Variants in NBAS observed in about 807,000 individuals in gnomAD.
NBAS encodes the protein NAG/BC035112 fusion.
Under a neutral mutation model 302.5 loss-of-function variants are expected in NBAS, and 219 were observed. The observed-to-expected ratio is 0.72, with a 90% CI of 0.65 to 0.81. NBAS has a LOEUF of 0.81. NBAS is among the 30% of genes least tolerant of loss of function. The pLI, the probability that NBAS is intolerant of heterozygous loss-of-function variation, is 0.00. For missense variants in NBAS, 2,932 were observed against 2,841.6 expected (o/e 1.03, Z -0.72); for synonymous variants, 1,118 against 1,021.6 (o/e 1.09, Z -1.80).
the NBAS span, among the ~76,000 whole-genome samples, chr2:15,010,817 T>G: frequency 6.6e-6 from 1 of 152,184 alleles, no homozygotes; most frequent in Admixed American, 6.5e-5. Context: ...ACATAGTTGA[T>G]TAATGGCAGA....
intron 38 of NBAS, among the ~76,000 whole-genome samples, chr2:15,310,617 C>T (rs1252384918): frequency 1.3e-5 from 2 of 152,130 alleles, no homozygotes; most frequent in Non-Finnish European, 1.5e-5. Context: ...TTTGTACAAG[C>T]TATTACAAGA....
the NBAS span, among the ~76,000 whole-genome samples, chr2:14,855,007 A>G: frequency 6.6e-6 from 1 of 152,080 alleles, no homozygotes; most frequent in Non-Finnish European, 1.5e-5. Context: ...GTTCCAAAAG[A>G]GACCCCTTCC....
At chr2:14,934,398 G>A in the NBAS span, among the ~76,000 whole-genome samples, 23 of 109,438 alleles carry the variant, frequency 2.1e-4, no homozygotes, top group Admixed American at 8.3e-4. Context: ...TCCTCCTCTC[G>A]TACTACATTA....
At position 15,504,224 on chromosome 2, in the gene NBAS, A is replaced by AATGCAT; in HGVS notation, c.886-17_886-12dup. The AATGCAT allele has an allele frequency of 6.3e-7, 1 of 1,596,466 alleles. No homozygotes were observed. The highest frequency in any genetic ancestry group is 8.6e-7 in the Non-Finnish European group (1 of 1,164,064). ...CAGTGTCTTCGGTACCTGCAAAATA[A>AATGCAT]ATGCATCATATGAAGAAAGATTACT... On this transcript the variant is annotated splice_polypyrimidine_tract_variant and intron_variant, in intron 10 of 51. Coordinates refer to ENST00000281513, the MANE Select transcript of NBAS (RefSeq NM_015909.4).
the NBAS span, among the ~76,000 whole-genome samples, chr2:14,993,351 G>T: frequency 1.3e-5 from 2 of 152,070 alleles, no homozygotes; most frequent in Non-Finnish European, 2.9e-5. Flanking sequence ...AATTGTTTCA[G>T]GTTGACATGA....
the NBAS span, among the ~76,000 whole-genome samples, chr2:14,935,362 G>A: frequency 6.6e-6 from 1 of 152,032 alleles, no homozygotes; most frequent in Non-Finnish European, 1.5e-5. Context: ...TTTGCCATCT[G>A]CTCATTTTTA....
chr2:15,523,997 G>A (rs1463489503), intron 9 of NBAS, among the ~76,000 whole-genome samples: 1 of 152,116 alleles, frequency 6.6e-6, no homozygotes, highest in Admixed American at 6.6e-5. Context: ...ACTAAGGTAG[G>A]AAATATATCT....
the NBAS span, among the ~76,000 whole-genome samples, chr2:15,017,773 A>C: frequency 1.3e-5 from 2 of 152,114 alleles, no homozygotes; most frequent in Admixed American, 6.5e-5. Context: ...GAACTACCAT[A>C]TGATCCTGTA....
At chr2:15,381,040 T>C (rs1212752997) in intron 29 of NBAS, among the ~76,000 whole-genome samples, 2 of 152,220 alleles carry the variant, frequency 1.3e-5, no homozygotes, top group African/African-American at 4.8e-5. Context: ...TAATCACTTA[T>C]ATCTGACAGA....
At position 15,474,305 on chromosome 2, in the gene NBAS, G is replaced by C. The variant is rs766319459; in HGVS notation, c.1361C>G (p.Pro454Arg). Reference protein sequence around the residue: ...LSLECEIKLAPKRSRLETRAG... With the variant: ...LSLECEIKLARKRSRLETRAG... ...TCTAGTCTCCAAACGAGATCGTTTGGGGGCAAGTTTAATCTCACACTAAAT... is the reference window on the plus strand; with the variant it reads ...TCTAGTCTCCAAACGAGATCGTTTGCGGGCAAGTTTAATCTCACACTAAAT... Residue 454 changes from proline (P) to arginine (R), a missense_variant, in exon 15 of 52, where the codon CCC (proline) becomes CGC (arginine). Physicochemically the swap from Pro to Arg is moderately radical, Grantham distance 103. Transcript: ENST00000281513. 56 of 1,613,310 alleles carry C rather than the reference G, an allele frequency of 3.5e-5. No homozygotes were observed. The East Asian group carries it at 1.2e-3, about 35-fold the overall frequency.
chr2:14,956,914 T>G, the NBAS span, among the ~76,000 whole-genome samples: 1 of 152,312 alleles, frequency 6.6e-6, no homozygotes, highest in African/African-American at 2.4e-5. Context: ...AAATTCAACA[T>G]ATGCAAAGTG....
At chr2:14,942,770 G>A in the NBAS span, among the ~76,000 whole-genome samples, 1 of 152,172 alleles carries the variant, frequency 6.6e-6, no homozygotes, top group Admixed American at 6.5e-5. Flanking sequence ...GTCAGGCCTG[G>A]CCCAAGCACA....
chr2:15,318,444 A>T (rs1215700067), intron 38 of NBAS, among the ~76,000 whole-genome samples: 1 of 152,226 alleles, frequency 6.6e-6, no homozygotes, highest in Non-Finnish European at 1.5e-5. Flanking sequence ...TAAAAGACAC[A>T]GACTGGCAAA....
rs761270251 is a variant in NBAS at position 15,275,681 on chromosome 2, G to C, written c.5527C>G (p.Pro1843Ala). ...IPEKDGQMLS[P>A]SSLYTIWLQK... ...AACCAGATGGTGTACAGAGAGCTTG[G>C]GGAAAGCATCTGTCCATCCTTTTCA... Residue 1843 changes from proline to alanine, a missense_variant, in exon 44 of 52, where the codon CCA becomes GCA. Transcript: ENST00000281513. The C allele has an allele frequency of 1.2e-6, 2 of 1,614,186 alleles. No homozygotes were observed. Among genetic ancestry groups the C allele is most frequent in the East Asian group, 2.2e-5 (1 of 44,878 alleles).
chr2:15,427,818 G>A (rs1677555060), intron 21 of NBAS, 24 bp from the exon 22 acceptor site: 5 of 1,565,884 alleles, frequency 3.2e-6, no homozygotes, highest in Middle Eastern at 1.7e-4. Context: ...AAAAATAAGT[G>A]TTTAAAATTC....
chr2:14,918,844 G>A, the NBAS span, among the ~76,000 whole-genome samples: 2 of 152,198 alleles, frequency 1.3e-5, no homozygotes, highest in African/African-American at 4.8e-5. Context: ...CAGGGGAGGT[G>A]TGGGGAGGAG....
intron 19 of NBAS, among the ~76,000 whole-genome samples, chr2:15,462,884 C>T (rs980862089): frequency 2.6e-5 from 4 of 151,964 alleles, no homozygotes; most frequent in Non-Finnish European, 5.9e-5. Context: ...GAAAAGGGAA[C>T]CTGCATCTGA....
the NBAS span, among the ~76,000 whole-genome samples, chr2:15,099,868 C>A: frequency 6.6e-6 from 1 of 152,100 alleles, no homozygotes; most frequent in South Asian, 2.1e-4. Context: ...GGCAAAATTG[C>A]AATAAATCAA....
At chr2:15,062,098 C>T in the NBAS span, among the ~76,000 whole-genome samples, 3 of 152,186 alleles carry the variant, frequency 2.0e-5, no homozygotes, top group Admixed American at 6.5e-5. Context: ...TTTCGGGCAA[C>T]ATTGGGGTCA....
Sources: gnomAD v4.1 joint callset for allele counts (sites outside exome capture counted in the v4.1 genomes callset) on GRCh38, gnomAD v4.1.1 for gene constraint, MANE v1.5 for transcripts, NCBI Gene and HGNC (gene_info 2026-07-23, HGNC 2026-07-21) for gene names.